EMC8: variants seen among roughly 807,000 people sequenced by gnomAD.
The protein encoded by EMC8 is ER membrane protein complex subunit 8.
Under a neutral mutation model 24.3 loss-of-function variants are expected in EMC8, and 11 were observed. The observed-to-expected ratio is 0.45, with a 90% CI of 0.28 to 0.75. The LOEUF (loss-of-function observed/expected upper bound fraction) is 0.75, where lower values mean the gene tolerates loss of function less well. EMC8 is among the 30% of genes least tolerant of loss of function. The probability of loss-of-function intolerance (pLI) is 0.12; values close to 1 mark genes in which losing one functional copy is unlikely to be tolerated. For synonymous variants in EMC8, 145 were observed against 117.7 expected, an observed-to-expected ratio of 1.23 and a Z score of -1.50; for missense variants, 277 against 282.7, an observed-to-expected ratio of 0.98 and a Z score of 0.14.
chr16:85,785,822 T>C (rs1043547692), intron 2 of EMC8, among the ~76,000 whole-genome samples: 17 of 152,164 alleles, frequency 1.1e-4, no homozygotes, highest in African/African-American at 1.7e-4. Flanking sequence ...AACAGCACCA[T>C]GTCGGGCCAG....
chr16:85,780,250 C>A, intron 4 of EMC8, 129 bp downstream of exon 4: 1 of 700,438 alleles, frequency 1.4e-6, no homozygotes, highest in Non-Finnish European at 2.5e-6. Context: ...CTACAGGAGC[C>A]GGGGAATATG....
At chr16:85,781,058 TC>T in intron 3 of EMC8, 152 bp downstream of exon 3, 1 of 618,142 alleles carries the variant, frequency 1.6e-6, no homozygotes, top group Non-Finnish European at 2.9e-6. Context: ...ATTCAACTGG[TC>T]TGCAGCTGAG....
intron 1 of EMC8, among the ~76,000 whole-genome samples, chr16:85,790,358 T>C (rs1203262965): frequency 6.6e-6 from 1 of 152,164 alleles, no homozygotes; most frequent in Non-Finnish European, 1.5e-5. Context: ...CGAATTACCA[T>C]ATTGGGTCAA....
intron 1 of EMC8, among the ~76,000 whole-genome samples, chr16:85,796,618 G>T (rs899078675): frequency 6.6e-6 from 1 of 152,082 alleles, no homozygotes; most frequent in Non-Finnish European, 1.5e-5. Context: ...AACTCTCTCT[G>T]CCCGCTGCCC....
chr16:85,798,448 G>C (rs1207537713), intron 1 of EMC8, among the ~76,000 whole-genome samples: 1 of 152,108 alleles, frequency 6.6e-6, no homozygotes, highest in African/African-American at 2.4e-5. Context: ...GCTTTTAAAA[G>C]CCATGGAAAC....
chr16:85,798,755 A>C (rs1905407700), intron 1 of EMC8: 2 of 346,486 alleles, frequency 5.8e-6, no homozygotes, highest in Admixed American at 9.1e-5. Flanking sequence ...AACTCTGTCG[A>C]ATCCCCACCA....
intron 2 of EMC8, among the ~76,000 whole-genome samples, chr16:85,783,066 G>T (rs949535982): frequency 6.6e-6 from 1 of 152,172 alleles, no homozygotes; most frequent in Admixed American, 6.5e-5. Flanking sequence ...TTCGGAGGCC[G>T]AGGCAGGTGG....
chr16:85,783,369 T>A (rs913360896), intron 2 of EMC8, among the ~76,000 whole-genome samples: 1 of 152,106 alleles, frequency 6.6e-6, no homozygotes, highest in Non-Finnish European at 1.5e-5. Flanking sequence ...ACAGGTGTGA[T>A]CATGGCCACA....
chr16:85,784,155 C>T (rs1302528073), intron 2 of EMC8, among the ~76,000 whole-genome samples: 14 of 152,172 alleles, frequency 9.2e-5, no homozygotes, highest in African/African-American at 3.1e-4. Context: ...CCCGCCACCA[C>T]GCCCAGCTAA....
In EMC8 at chr16:85,799,451, T is replaced by C. The variant is rs938217792; in HGVS notation, c.-156A>G. 2.4e-6 allele frequency: 1 copy of C among 414,184 alleles called. No homozygotes were observed. The highest frequency in any genetic ancestry group is 4.2e-6 in the Non-Finnish European group (1 of 240,476). 25.7% of individuals were successfully genotyped at this position (414,184 alleles called of 1,614,324 possible). ...GGGGGACCCTTCAGGCCCGGCCCCG[T>C]TTGGGCCTCGGCTCCTGGAAAAGCG... On this transcript the variant is annotated 5_prime_UTR_variant, in exon 1 of 5. Coordinates refer to ENST00000253457, the MANE Select transcript of EMC8 (RefSeq NM_006067.5). This position sits in a 1 kb window ranked among gnomAD's most constrained non-coding sequence, Gnocchi z 4.2.
At chr16:85,785,659 T>A (rs569167156) in intron 2 of EMC8, among the ~76,000 whole-genome samples, 2 of 152,340 alleles carry the variant, frequency 1.3e-5, no homozygotes, top group South Asian at 4.1e-4. Context: ...TTCTCTGTCT[T>A]AGGCACTGAA....
rs373619712 is a variant in EMC8 at position 85,779,693 on chromosome 16, C to T, written c.*15G>A. 2.5e-6 allele frequency: 4 copies of T among 1,612,504 alleles called. No homozygotes were observed. In the African/African-American group the frequency reaches 5.3e-5, roughly 22 times the overall value. On this transcript the variant is annotated 3_prime_UTR_variant, in exon 5 of 5. Transcript: ENST00000253457. The stretch of plus-strand genomic sequence containing the variant: ...GTAGTGGAAAGGCCCGGAGCCCAGT[C>T]ACAGCGGTGCCTGCCTAGCACAAGT...
chr16:85,796,275 C>T (rs866513173), intron 1 of EMC8, among the ~76,000 whole-genome samples: 2 of 152,204 alleles, frequency 1.3e-5, no homozygotes, highest in South Asian at 2.1e-4. Flanking sequence ...ATCGTCCCAG[C>T]GCACAAGCCA....
At chr16:85,779,892 A>G (rs1242159239) in intron 4 of EMC8, 25 bp from the exon 5 acceptor site, 1 of 1,611,128 alleles carries the variant, frequency 6.2e-7, no homozygotes, top group Non-Finnish European at 8.5e-7. Flanking sequence ...TGAAGAAGTC[A>G]GCATCTAACA....
intron 1 of EMC8, among the ~76,000 whole-genome samples, chr16:85,795,989 C>T (rs1446208594): frequency 6.6e-6 from 1 of 152,090 alleles, no homozygotes; most frequent in African/African-American, 2.4e-5. Flanking sequence ...TGACTGTTGG[C>T]GGTGAGAGCA....
intron 2 of EMC8, among the ~76,000 whole-genome samples, chr16:85,786,073 A>G (rs951173021): frequency 2.6e-5 from 4 of 152,244 alleles, no homozygotes; most frequent in Non-Finnish European, 4.4e-5. Flanking sequence ...CAGCACTAGT[A>G]ACAGCACCAG....
At chr16:85,792,811 GC>G (rs1315868506) in intron 1 of EMC8, 3 of 152,214 alleles carry the variant, frequency 2.0e-5, no homozygotes, top group Admixed American at 6.5e-5. Flanking sequence ...CAGCCGAGAA[GC>G]CACTCAACCT....
rs576420230 is a variant in EMC8 at position 85,797,895 on chromosome 16, T to G, written c.231+1170A>C. On this transcript the variant is annotated intron_variant, in intron 1 of 4. Coordinates refer to ENST00000253457, the MANE Select transcript of EMC8 (RefSeq NM_006067.5). ...TCTGAAGCTACAGTTTACTTTTCCT[T>G]CAGGTTTTAACAACTCGATGGAATT... is the stretch of plus-strand genomic sequence containing the variant. Among the ~76,000 whole-genome samples, 133 of 152,316 alleles carry G rather than the reference T, an allele frequency of 8.7e-4. 2 individuals carry two copies. Among genetic ancestry groups the G allele is most frequent in the Admixed American group, 2.0e-3 (30 of 15,298 alleles).
intron 1 of EMC8, among the ~76,000 whole-genome samples, chr16:85,794,367 T>C (rs1412050744): frequency 1.3e-5 from 2 of 152,188 alleles, no homozygotes; most frequent in South Asian, 2.1e-4. Context: ...ATTTGCCCAC[T>C]GCTGAGGGAA....
Sources: gnomAD v4.1 joint callset for allele counts (sites outside exome capture counted in the v4.1 genomes callset) on GRCh38, gnomAD v4.1.1 for gene constraint, Gnocchi (gnomAD v3.1) non-coding constraint, MANE v1.5 for transcripts, NCBI Gene and HGNC (gene_info 2026-07-23, HGNC 2026-07-21) for gene names.